ROBO2: variants seen among roughly 807,000 people sequenced by gnomAD.
ROBO2 encodes roundabout homolog 2.
ROBO2 carries 53 observed loss-of-function variants against 160.8 expected under a neutral mutation model. The observed-to-expected ratio is 0.33, with a 90% CI of 0.26 to 0.41. The LOEUF is 0.41. Ranked by LOEUF, ROBO2 falls within the 10% of genes least tolerant of loss-of-function variation. The pLI, the probability that ROBO2 is intolerant of heterozygous loss-of-function variation, is 1.00. For synonymous variants in ROBO2, 664 were observed against 611.7 expected (o/e 1.09, Z -1.26); for missense variants, 1,577 against 1,722.4 (o/e 0.92, Z 1.49).
chr3:76,032,228 C>T (rs2066947341), intron 2 of ROBO2, among the ~76,000 whole-genome samples: 1 of 151,940 alleles, frequency 6.6e-6, no homozygotes, highest in Non-Finnish European at 1.5e-5. Context: ...TTTATTGCGT[C>T]TATTTGATTC....
intron 17 of ROBO2, 116 bp from the exon 19 acceptor site, chr3:77,595,026 G>C (rs776131821): frequency 3.3e-5 from 26 of 776,858 alleles, no homozygotes; most frequent in Non-Finnish European, 5.3e-5. Context: ...ATTATATTTT[G>C]TTAAAATTCC....
intron 2 of ROBO2, among the ~76,000 whole-genome samples, chr3:76,305,223 C>G (rs2071276781): frequency 6.6e-6 from 1 of 151,090 alleles, no homozygotes; most frequent in African/African-American, 2.4e-5. Flanking sequence ...ATTCCTGTCT[C>G]TACAAAAAGC....
At chr3:77,234,731 A>G (rs753989815) in intron 2 of ROBO2, among the ~76,000 whole-genome samples, 2 of 152,208 alleles carry the variant, frequency 1.3e-5, no homozygotes, top group Non-Finnish European at 2.9e-5. Flanking sequence ...CTTTCTTGGC[A>G]AGTCATCAGA....
At chr3:77,277,160 C>T (rs555379211) in intron 2 of ROBO2, among the ~76,000 whole-genome samples, 1 of 75,374 alleles carries the variant, frequency 1.3e-5, no homozygotes, top group African/African-American at 5.9e-5. Flanking sequence ...TTCTTTCCTT[C>T]TTTCTTTCTT....
At chr3:76,124,521 C>T (rs959696818) in intron 2 of ROBO2, among the ~76,000 whole-genome samples, 16 of 152,078 alleles carry the variant, frequency 1.1e-4, no homozygotes, top group Admixed American at 3.3e-4. Context: ...CACCAGTTGA[C>T]ATAATATCAA....
At chr3:76,543,267 T>C (rs2082912639) in intron 2 of ROBO2, among the ~76,000 whole-genome samples, 1 of 152,132 alleles carries the variant, frequency 6.6e-6, no homozygotes. Flanking sequence ...ACCCACAATG[T>C]GACTGTATTT....
rs1385440150 is a variant in ROBO2 at position 77,230,447 on chromosome 3, G to A, written c.388+132107G>A. On this transcript the variant is annotated intron_variant, in intron 2 of 25. Coordinates refer to ENST00000461745, the Ensembl canonical transcript of ROBO2. The stretch of plus-strand genomic sequence containing the variant: ...TATAAACGAAAGTTATTCTTCAAAC[G>A]TAACATTAACCTAGATTTATTTGAA... Among the ~76,000 whole-genome samples, 3 of 152,098 alleles carry A rather than the reference G, an allele frequency of 2.0e-5. 1 individual carries two copies. In the South Asian group the frequency reaches 6.2e-4, roughly 32 times the overall value.
chr3:76,505,102 A>C (rs72900594), intron 2 of ROBO2, among the ~76,000 whole-genome samples: 1 of 152,158 alleles, frequency 6.6e-6, no homozygotes, highest in Non-Finnish European at 1.5e-5. Context: ...TTTGAAAAAA[A>C]CAGTATCAAT....
At chr3:76,881,169 C>G (rs1187501346) in intron 2 of ROBO2, among the ~76,000 whole-genome samples, 1 of 152,166 alleles carries the variant, frequency 6.6e-6, no homozygotes, top group Non-Finnish European at 1.5e-5. Flanking sequence ...CCACAGTGCC[C>G]TGTATCTCTT....
At chr3:77,300,324 GC>G (rs1343695169) in intron 2 of ROBO2, among the ~76,000 whole-genome samples, 1 of 151,826 alleles carries the variant, frequency 6.6e-6, no homozygotes, top group Non-Finnish European at 1.5e-5. Flanking sequence ...TTATAGAGCA[GC>G]TACTCAGAAT....
intron 2 of ROBO2, among the ~76,000 whole-genome samples, chr3:77,438,341 C>A (rs1036328439): frequency 2.0e-5 from 3 of 151,880 alleles, no homozygotes; most frequent in African/African-American, 7.3e-5. Context: ...AATGACTACC[C>A]ACTTAGACTG....
At chr3:76,913,732 C>T (rs1016645280) in intron 2 of ROBO2, among the ~76,000 whole-genome samples, 6 of 152,032 alleles carry the variant, frequency 3.9e-5, no homozygotes, top group Non-Finnish European at 5.9e-5. Flanking sequence ...TTCTTTCTAG[C>T]GAATAATACT....
chr3:76,253,043 G>A (rs1706136154), intron 2 of ROBO2, among the ~76,000 whole-genome samples: 1 of 151,960 alleles, frequency 6.6e-6, no homozygotes, highest in Non-Finnish European at 1.5e-5. Context: ...TTTAGAGTTA[G>A]TCACATTTAC....
chr3:76,916,239 C>T (rs187540775), intron 2 of ROBO2, among the ~76,000 whole-genome samples: 13 of 152,268 alleles, frequency 8.5e-5, no homozygotes, highest in African/African-American at 2.4e-4. Context: ...TATCTGTACT[C>T]GAATGAGACT....
At chr3:77,208,728 T>C (rs895093829) in intron 2 of ROBO2, among the ~76,000 whole-genome samples, 2 of 152,152 alleles carry the variant, frequency 1.3e-5, no homozygotes, top group African/African-American at 4.8e-5. Flanking sequence ...TAATTTGAAA[T>C]TTGGGTTTTA....
At chr3:76,141,357 T>A (rs2071662622) in intron 2 of ROBO2, among the ~76,000 whole-genome samples, 1 of 149,966 alleles carries the variant, frequency 6.7e-6, no homozygotes, top group South Asian at 2.1e-4. Flanking sequence ...CAGGGAAATG[T>A]GTGAGAAAAA....
chr3:75,985,103 T>G (rs540927495), intron 2 of ROBO2, among the ~76,000 whole-genome samples: 220 of 151,514 alleles, frequency 1.5e-3, no homozygotes, highest in African/African-American at 5.1e-3. Flanking sequence ...TTCTAAAAAT[T>G]GTTATTCTTC....
intron 2 of ROBO2, among the ~76,000 whole-genome samples, chr3:77,107,391 A>G (rs1209970755): frequency 1.3e-5 from 2 of 152,192 alleles, no homozygotes; most frequent in South Asian, 2.1e-4. Flanking sequence ...ATTAACACCC[A>G]AGTAGAGAAA....
chr3:77,000,269 A>T (rs898415739), intron 2 of ROBO2, among the ~76,000 whole-genome samples: 1 of 152,178 alleles, frequency 6.6e-6, no homozygotes, highest in African/African-American at 2.4e-5. Flanking sequence ...ATCTGCACAT[A>T]TACCTGGTAG....
Sources: gnomAD v4.1 joint callset for allele counts (sites outside exome capture counted in the v4.1 genomes callset) on GRCh38, gnomAD v4.1.1 for gene constraint, MANE v1.5 for transcripts, NCBI Gene and HGNC (gene_info 2026-07-23, HGNC 2026-07-21) for gene names.